The following SLC24A2 variants were observed in gnomAD, a reference collection of about 807,000 sequenced individuals.
SLC24A2 encodes the protein solute carrier family 24 member 2.
SLC24A2 carries 36 observed loss-of-function variants against 62.0 expected under a neutral mutation model. The observed-to-expected ratio is 0.58, with a 90% confidence interval of 0.44 to 0.77. The LOEUF (loss-of-function observed/expected upper bound fraction) is 0.77, where lower values mean the gene tolerates loss of function less well. SLC24A2 is among the 30% of genes least tolerant of loss of function. SLC24A2 has a pLI of 0.00. For missense variants in SLC24A2, 846 were observed against 817.9 expected (o/e 1.03, Z -0.42); for synonymous variants, 358 against 294.0 (o/e 1.22, Z -2.23).
At chr9:20,025,044 A>G in the SLC24A2 span, among the ~76,000 whole-genome samples, 2 of 152,204 alleles carry the variant, frequency 1.3e-5, no homozygotes, top group African/African-American at 2.4e-5. Flanking sequence ...TATATTTTAC[A>G]ATGCAACCCA....
chr9:19,908,110 C>A, the SLC24A2 span, among the ~76,000 whole-genome samples: 2 of 152,204 alleles, frequency 1.3e-5, no homozygotes, highest in African/African-American at 4.8e-5. Flanking sequence ...GTCACCAAAA[C>A]AGCATGGTAC....
the SLC24A2 span, among the ~76,000 whole-genome samples, chr9:20,004,422 T>A: frequency 5.4e-4 from 82 of 152,280 alleles, no homozygotes; most frequent in African/African-American, 1.8e-3. Context: ...AGAAGTGACA[T>A]TGTGACATTC....
chr9:20,201,782 C>T, the SLC24A2 span, among the ~76,000 whole-genome samples: 1 of 152,000 alleles, frequency 6.6e-6, no homozygotes, highest in Non-Finnish European at 1.5e-5. Flanking sequence ...TTAAATTGTT[C>T]ATTATTTCGA....
At chr9:20,016,038 C>T in the SLC24A2 span, among the ~76,000 whole-genome samples, 5 of 152,264 alleles carry the variant, frequency 3.3e-5, no homozygotes, top group South Asian at 1.0e-3. Context: ...TTAAAGTGTA[C>T]ATCACAATTT....
the SLC24A2 span, among the ~76,000 whole-genome samples, chr9:20,137,738 G>C: frequency 6.6e-6 from 1 of 152,164 alleles, no homozygotes; most frequent in Non-Finnish European, 1.5e-5. Context: ...GCTACAAACA[G>C]TAACAATATT....
At chr9:19,704,667 T>C (rs1247654631) in intron 2 of SLC24A2, among the ~76,000 whole-genome samples, 1 of 152,176 alleles carries the variant, frequency 6.6e-6, no homozygotes, top group African/African-American at 2.4e-5. Flanking sequence ...CTCACAGGGA[T>C]TTAATCAATG....
chr9:19,649,475 T>G (rs1195130467), intron 2 of SLC24A2, among the ~76,000 whole-genome samples: 2 of 151,728 alleles, frequency 1.3e-5, no homozygotes, highest in Non-Finnish European at 2.9e-5. Flanking sequence ...ATGATAGGGG[T>G]GGGGGTAGGG....
chr9:19,528,539 A>G lies in SLC24A2; in HGVS notation c.1480-401T>C, dbSNP rs78630457. On this transcript the variant is annotated intron_variant, in intron 8 of 10. Coordinates refer to ENST00000341998, the MANE Select transcript of SLC24A2 (RefSeq NM_020344.4). ...CCAGAGTTTGTCAGAATCAGTTTCT[A>G]TTGCTTGCAAACCATGAATCCTAAC... Among the ~76,000 whole-genome samples the G allele has an allele frequency of 2.7e-3, 418 of 152,084 alleles. 4 individuals are homozygous for G. Among genetic ancestry groups the G allele is most frequent in the African/African-American group, 9.2e-3 (380 of 41,462 alleles).
intron 2 of SLC24A2, among the ~76,000 whole-genome samples, chr9:19,727,082 T>C (rs1039031882): frequency 1.3e-5 from 2 of 152,144 alleles, no homozygotes; most frequent in African/African-American, 4.8e-5. Context: ...GAAGCAAAGA[T>C]TGTATCACCT....
intron 2 of SLC24A2, among the ~76,000 whole-genome samples, chr9:19,698,223 C>T (rs1477769340): frequency 1.3e-5 from 2 of 152,092 alleles, no homozygotes; most frequent in Non-Finnish European, 2.9e-5. Flanking sequence ...CACACCTGAC[C>T]TCATGTGACA....
the SLC24A2 span, among the ~76,000 whole-genome samples, chr9:19,886,268 T>C: frequency 6.6e-6 from 1 of 152,236 alleles, no homozygotes; most frequent in Non-Finnish European, 1.5e-5. Context: ...CTATGATTTT[T>C]TGACTTTTTA....
At chr9:19,681,981 T>C (rs1439089043) in intron 2 of SLC24A2, among the ~76,000 whole-genome samples, 3 of 152,140 alleles carry the variant, frequency 2.0e-5, no homozygotes, top group African/African-American at 4.8e-5. Flanking sequence ...TAGGAACTGA[T>C]TGATGGGTTC....
At chr9:20,193,163 C>A in the SLC24A2 span, among the ~76,000 whole-genome samples, 2 of 151,982 alleles carry the variant, frequency 1.3e-5, no homozygotes, top group African/African-American at 4.8e-5. Flanking sequence ...ATTGAGTATA[C>A]CCTGAAATCA....
chr9:20,227,292 C>T, the SLC24A2 span, among the ~76,000 whole-genome samples: 1 of 151,980 alleles, frequency 6.6e-6, no homozygotes, highest in African/African-American at 2.4e-5. Flanking sequence ...TTTATGGTTT[C>T]TTTGGTATGT....
chr9:20,023,776 A>T, the SLC24A2 span, among the ~76,000 whole-genome samples: 2 of 152,206 alleles, frequency 1.3e-5, no homozygotes, highest in African/African-American at 4.8e-5. Context: ...CCTCTAAAAC[A>T]AACTGGAAAG....
chr9:20,188,152 T>G, the SLC24A2 span, among the ~76,000 whole-genome samples: 1 of 152,212 alleles, frequency 6.6e-6, no homozygotes, highest in African/African-American at 2.4e-5. Flanking sequence ...TTGTAGAATT[T>G]CTGCTACAAA....
At chr9:19,943,292 A>C in the SLC24A2 span, among the ~76,000 whole-genome samples, 314 of 152,292 alleles carry the variant, frequency 2.1e-3, 3 homozygotes, top group South Asian at 0.016. Context: ...ACTGTATTAA[A>C]AAGAACAATT....
At chr9:20,293,906 C>A in the SLC24A2 span, among the ~76,000 whole-genome samples, 1 of 152,136 alleles carries the variant, frequency 6.6e-6, no homozygotes, top group African/African-American at 2.4e-5. Context: ...CAACCAAGTC[C>A]TCAGGCTCCA....
the SLC24A2 span, among the ~76,000 whole-genome samples, chr9:19,923,813 T>C: frequency 6.6e-6 from 1 of 152,242 alleles, no homozygotes; most frequent in Non-Finnish European, 1.5e-5. Context: ...GATGGCACAA[T>C]CTTGGCTCAT....
Sources: gnomAD v4.1 joint callset for allele counts (sites outside exome capture counted in the v4.1 genomes callset) on GRCh38, gnomAD v4.1.1 for gene constraint, MANE v1.5 for transcripts, NCBI Gene and HGNC (gene_info 2026-07-23, HGNC 2026-07-21) for gene names.